The following PRPF19 variants were observed in gnomAD, a reference collection of about 807,000 sequenced individuals.
The protein encoded by PRPF19 is pre-mRNA-processing factor 19.
PRPF19 carries 2 observed loss-of-function variants against 64.2 expected under a neutral mutation model. The observed-to-expected ratio is 0.03, with a 90% CI of 0.01 to 0.10. PRPF19 has a LOEUF of 0.10. Ranked by LOEUF, PRPF19 falls within the 10% of genes least tolerant of loss-of-function variation. The pLI is 1.00. For synonymous variants in PRPF19, 226 were observed against 251.6 expected, an observed-to-expected ratio of 0.90 and a Z score of 0.96; for missense variants, 314 against 650.0, an observed-to-expected ratio of 0.48 and a Z score of 5.62.
At chr11:60,899,485 TA>T (rs986571267) in intron 10 of PRPF19, among the ~76,000 whole-genome samples, 181 bp from the exon 11 acceptor site, 19 of 152,160 alleles carry the variant, frequency 1.2e-4, no homozygotes, top group Admixed American at 2.6e-4. Context: ...TAAACGCTAT[TA>T]AAGTGCTAAC....
intron 10 of PRPF19, among the ~76,000 whole-genome samples, 171 bp downstream of exon 10, chr11:60,900,411 C>T (rs747854459): frequency 2.0e-5 from 3 of 152,300 alleles, no homozygotes; most frequent in South Asian, 2.1e-4. Context: ...GAAGGTCTCA[C>T]GCAGAGTGAA....
At position 60,899,213 on chromosome 11, in the gene PRPF19, C is replaced by T. The variant is rs745674836; in HGVS notation, c.920G>A (p.Ser307Asn). The T allele has an allele frequency of 1.9e-6, 3 of 1,614,138 alleles. No individual in the cohort carries two copies. The highest frequency in any genetic ancestry group is 2.5e-6 in the Non-Finnish European group (3 of 1,180,022). The change falls in exon 11 of 16, where the codon AGT becomes AAT. Residue 307 changes from serine (S) to asparagine (N), a missense_variant. Ser to Asn is a conservative substitution (Grantham distance 46). Coordinates refer to ENST00000227524, the MANE Select transcript of PRPF19 (RefSeq NM_014502.5). ...ATGAAGGCTGAGGCCTGTCACAGCA[C>T]TCTCATGGGCCCGAACCACCTGTAC... The part of the protein sequence containing the change: ...SCVQVVRAHE[S>N]AVTGLSLHAT...
rs370679425 is a variant in PRPF19 at position 60,900,956 on chromosome 11, G to T, written c.643-27C>A. ...TTTGCAGAGAGACACACCAAACCCTGTCACGGCCAAATCACAGCAGGCCAC... is the reference window on the plus strand; with the variant it reads ...TTTGCAGAGAGACACACCAAACCCTTTCACGGCCAAATCACAGCAGGCCAC... On this transcript the variant is annotated intron_variant, in intron 8 of 15. Coordinates refer to ENST00000227524, the MANE Select transcript of PRPF19 (RefSeq NM_014502.5). The T allele has an allele frequency of 4.5e-5, 73 of 1,613,210 alleles. No individual in the cohort carries two copies. The African/African-American group carries it at 9.3e-4, about 21-fold the overall frequency.
intron 11 of PRPF19, 58 bp downstream of exon 11, chr11:60,899,091 C>G (rs1222882523): frequency 6.4e-7 from 1 of 1,561,466 alleles, no homozygotes; most frequent in East Asian, 2.3e-5. Context: ...TCCTGCCACC[C>G]AGGATGTTCA....
At chr11:60,903,379 T>G (rs1222294457) in intron 3 of PRPF19, 80 bp downstream of exon 3, 1 of 1,406,234 alleles carries the variant, frequency 7.1e-7, no homozygotes, top group Admixed American at 2.2e-5. Context: ...TAATGCTCCA[T>G]CCTTCCTACC....
At chr11:60,899,384 A>T in intron 10 of PRPF19, 80 bp from the exon 11 acceptor site, 1 of 1,435,438 alleles carries the variant, frequency 7.0e-7, no homozygotes, top group Non-Finnish European at 9.6e-7. Context: ...GGGGCTGGGG[A>T]TGCCCACAAC....
rs1339315856 is a variant in PRPF19, at chr11:60,902,399, T to C, written c.525+4A>G. ...CACTCCCACCAGGTGAGAGCAGGAC[T>C]TACCTTCTGAATAATCTCTGGGGTC... is the stretch of plus-strand genomic sequence containing the variant. On this transcript the variant is annotated splice_donor_region_variant and intron_variant, in intron 6 of 15. Transcript: ENST00000227524. This position sits in a 1 kb window ranked among gnomAD's most constrained non-coding sequence, Gnocchi z 5.0. 1.2e-6 allele frequency: 2 copies of C among 1,613,592 alleles called. No individual in the cohort carries two copies. The highest frequency in any genetic ancestry group is 3.3e-5 in the Admixed American group (2 of 60,024).
chr11:60,905,926 C>A (rs1413579344), intron 1 of PRPF19, among the ~76,000 whole-genome samples: 1 of 152,232 alleles, frequency 6.6e-6, no homozygotes, highest in Non-Finnish European at 1.5e-5. Context: ...ACTATCCGAG[C>A]GAGGCCTCGC....
At position 60,897,871 on chromosome 11, in the gene PRPF19, T is replaced by C. The variant is rs199778034; in HGVS notation, c.1392A>G (p.Gln464=). The C allele has an allele frequency of 1.8e-4, 284 of 1,614,218 alleles. No homozygotes were observed. Among genetic ancestry groups the C allele is most frequent in the Non-Finnish European group, 2.2e-4 (259 of 1,180,030 alleles). The change falls in exon 15 of 16, where the codon CAA becomes CAG. Residue 464 remains glutamine (Q), a synonymous_variant. Coordinates refer to ENST00000227524, the MANE Select transcript of PRPF19 (RefSeq NM_014502.5). ...GTDVQIYICK[Q]WTEILHFTEH... ...CTGTAAAGTGAAGAATCTCCGTCCA[T>C]TGTTTGCAGATGTAGATCTGGACAT...
At chr11:60,895,878 C>T (rs917316035) in intron 15 of PRPF19, among the ~76,000 whole-genome samples, 3 of 152,140 alleles carry the variant, frequency 2.0e-5, no homozygotes, top group African/African-American at 7.2e-5. Flanking sequence ...TCAGAACACA[C>T]ACAGCATTTC....
At chr11:60,899,362 A>C in intron 10 of PRPF19, 58 bp from the exon 11 acceptor site, 1 of 1,523,232 alleles carries the variant, frequency 6.6e-7, no homozygotes, top group Non-Finnish European at 9.0e-7. Flanking sequence ...GACCAAAACA[A>C]TCTTATAAAA....
intron 1 of PRPF19, 148 bp downstream of exon 1, chr11:60,906,216 G>GA: frequency 7.8e-7 from 1 of 1,279,686 alleles, no homozygotes; most frequent in Non-Finnish European, 1.0e-6. Flanking sequence ...CCGACGGGGG[G>GA]GGCTCCGGTG....
Position 60,898,122 on chromosome 11 carries a change from C to T in PRPF19, c.1290G>A (p.Leu430=), listed in dbSNP as rs143569519. 8.1e-6 allele frequency: 13 copies of T among 1,614,106 alleles called. No individual in the cohort carries two copies. The African/African-American group carries it at 1.5e-4, about 18-fold the overall frequency. The change falls in exon 14 of 16, where the codon TTG becomes TTA. Residue 430 remains leucine, a synonymous_variant. Coordinates refer to ENST00000227524, the MANE Select transcript of PRPF19 (RefSeq NM_014502.5). The surrounding 1 kb of genome is among the most constrained non-coding windows in gnomAD (Gnocchi z 4.6). ...ACACCTCAAAGTTGTTATCCAGCTG[C>T]AAAGTCTTAAAGTTCTTAAGCTTGC... The part of the protein sequence containing the change: ...DLRKLKNFKT[L]QLDNNFEVKS...
At position 60,899,143 on chromosome 11, in the gene PRPF19, C is replaced by T. The variant is rs367678945; in HGVS notation, c.984+6G>A. On this transcript the variant is annotated splice_donor_region_variant and intron_variant, in intron 11 of 15. Transcript: ENST00000227524. Reference sequence around the variant, plus strand: ...GGCCTCTCCAGGGCACTGGCTGGGACCGCACCTGATCATCGGAGGAGCTCA... The same window carrying T: ...GGCCTCTCCAGGGCACTGGCTGGGATCGCACCTGATCATCGGAGGAGCTCA... 6.2e-7 allele frequency: 1 copy of T among 1,609,736 alleles called. No individual in the cohort carries two copies. Among genetic ancestry groups the T allele is most frequent in the East Asian group, 2.2e-5 (1 of 44,812 alleles).
In PRPF19 at chr11:60,900,711, A is replaced by T. The variant is rs750510067; in HGVS notation, c.719-20T>A. The stretch of plus-strand genomic sequence containing the variant: ...CCCCACCTGGAGAAGACCCAAAAAG[A>T]CCAAACAATGAGTCAGGCCCACCCA... On this transcript the variant is annotated intron_variant, in intron 9 of 15. Coordinates refer to ENST00000227524, the MANE Select transcript of PRPF19 (RefSeq NM_014502.5). 2 of 1,560,512 alleles carry T rather than the reference A, an allele frequency of 1.3e-6. No individual in the cohort carries two copies. The highest frequency in any genetic ancestry group is 2.3e-5 in the South Asian group (2 of 85,130).
chr11:60,903,344 G>T, intron 3 of PRPF19, 115 bp downstream of exon 3: 1 of 1,126,628 alleles, frequency 8.9e-7, no homozygotes, highest in Non-Finnish European at 1.3e-6. Context: ...ACAAATCCCT[G>T]ATGTCACAAA....
chr11:60,901,258 G>A (rs774271199), intron 8 of PRPF19, 37 bp downstream of exon 8: 3 of 1,608,562 alleles, frequency 1.9e-6, no homozygotes, highest in East Asian at 4.5e-5. Context: ...CAAAACGGGA[G>A]GGCTGTCTCC....
chr11:60,899,456 T>C, intron 10 of PRPF19, 152 bp from the exon 11 acceptor site: 1 of 815,072 alleles, frequency 1.2e-6, no homozygotes, highest in Non-Finnish European at 1.9e-6. Context: ...CACCCAATGG[T>C]GCCCAAGACA....
chr11:60,895,676 A>T (rs1247445654), intron 15 of PRPF19, among the ~76,000 whole-genome samples: 1 of 152,176 alleles, frequency 6.6e-6, no homozygotes, highest in African/African-American at 2.4e-5. Flanking sequence ...GGCTTTTCAC[A>T]TGCCTTCTTC....
Sources: gnomAD v4.1 joint callset for allele counts (sites outside exome capture counted in the v4.1 genomes callset) on GRCh38, gnomAD v4.1.1 for gene constraint, Gnocchi (gnomAD v3.1) non-coding constraint, MANE v1.5 for transcripts, NCBI Gene and HGNC (gene_info 2026-07-23, HGNC 2026-07-21) for gene names.